Variants in DLGAP1 observed in about 807,000 individuals in gnomAD.
DLGAP1 encodes disks large-associated protein 1.
In DLGAP1, 11 loss-of-function variants were observed where a neutral mutation model predicts 90.8. The ratio of observed to expected loss-of-function variants is 0.12; its 90% confidence interval spans 0.08 to 0.20. The LOEUF is 0.20. Ranked by LOEUF, DLGAP1 falls within the 10% of genes least tolerant of loss-of-function variation. DLGAP1 has a pLI of 1.00. For synonymous variants in DLGAP1, 558 were observed against 540.7 expected (o/e 1.03, Z -0.44); for missense variants, 1,050 against 1,333.8 (o/e 0.79, Z 3.31).
chr18:3,874,227 A>G (rs1568269628), intron 4 of DLGAP1: 5 of 1,549,710 alleles, frequency 3.2e-6, no homozygotes, highest in Non-Finnish European at 3.5e-6. Flanking sequence ...AAGGTCGATC[A>G]TTTTGCTTTC....
chr18:3,628,188 C>CTTTTTT (rs71160904), intron 7 of DLGAP1, among the ~76,000 whole-genome samples: 1 of 123,676 alleles, frequency 8.1e-6, no homozygotes, highest in African/African-American at 3.2e-5. Flanking sequence ...GTGCTATATT[C>CTTTTTT]TTTTTTTTTT....
intron 7 of DLGAP1, among the ~76,000 whole-genome samples, chr18:3,716,894 G>A (rs1025209592): frequency 1.3e-5 from 2 of 151,830 alleles, no homozygotes; most frequent in East Asian, 1.9e-4. Context: ...TTTGGGAGGC[G>A]GAGGTGGGCG....
At chr18:3,505,368 T>C (rs970109398) in intron 11 of DLGAP1, among the ~76,000 whole-genome samples, 3 of 151,962 alleles carry the variant, frequency 2.0e-5, no homozygotes, top group South Asian at 2.1e-4. Flanking sequence ...GCCGGGCGAG[T>C]TGGCTCATGC....
At chr18:3,887,969 G>C (rs184297125) in intron 3 of DLGAP1, among the ~76,000 whole-genome samples, 1 of 151,660 alleles carries the variant, frequency 6.6e-6, no homozygotes, top group African/African-American at 2.4e-5. Flanking sequence ...TTAGCCAGGC[G>C]TGGTGGCGGG....
At chr18:3,851,380 A>ATT (rs1298957783) in intron 4 of DLGAP1, among the ~76,000 whole-genome samples, 4 of 152,178 alleles carry the variant, frequency 2.6e-5, no homozygotes, top group African/African-American at 9.7e-5. Context: ...TTGAGGAAGA[A>ATT]CAGAACTAGG....
At chr18:4,274,361 T>G (rs1447257627) in intron 1 of DLGAP1, among the ~76,000 whole-genome samples, 3 of 152,248 alleles carry the variant, frequency 2.0e-5, no homozygotes, top group African/African-American at 7.2e-5. Flanking sequence ...CATTCCATTT[T>G]GGTCAGAAAA....
intron 10 of DLGAP1, among the ~76,000 whole-genome samples, chr18:3,527,449 A>G (rs1477515012): frequency 9.7e-6 from 1 of 103,184 alleles, no homozygotes; most frequent in African/African-American, 3.8e-5. Context: ...GATGCACTGT[A>G]TTTTGAATTC....
chr18:3,691,621 A>C (rs1326074147), intron 7 of DLGAP1, among the ~76,000 whole-genome samples: 2 of 152,218 alleles, frequency 1.3e-5, no homozygotes, highest in African/African-American at 4.8e-5. Context: ...TTTAAAAAAG[A>C]ATTGAGGAGG....
At chr18:4,219,347 GTTGT>G (rs1420412375) in intron 1 of DLGAP1, among the ~76,000 whole-genome samples, 5 of 151,786 alleles carry the variant, frequency 3.3e-5, no homozygotes, top group African/African-American at 7.2e-5. Context: ...TTGCCATTGA[GTTGT>G]TTGAGTTCCT....
Position 4,382,034 on chromosome 18 carries a change from G to A in DLGAP1, c.-267+72972C>T, listed in dbSNP as rs185012441. On this transcript the variant is annotated intron_variant, in intron 1 of 12. Transcript: ENST00000315677. Reference sequence around the variant, plus strand: ...TTATTCACCACCAAAAGAATAGCACGGGAAAGACTTGCCCCCATGATTCAA... The same window carrying A: ...TTATTCACCACCAAAAGAATAGCACAGGAAAGACTTGCCCCCATGATTCAA... Among the ~76,000 whole-genome samples, 25 of 152,164 alleles carry A rather than the reference G, an allele frequency of 1.6e-4. No homozygotes were observed. In the East Asian group the frequency reaches 1.7e-3, roughly 11 times the overall value.
intron 2 of DLGAP1, among the ~76,000 whole-genome samples, chr18:4,071,028 T>C (rs768658748): frequency 6.6e-6 from 1 of 152,174 alleles, no homozygotes; most frequent in African/African-American, 2.4e-5. Flanking sequence ...TAGTAACTTA[T>C]GAGAAATGTG....
intron 7 of DLGAP1, among the ~76,000 whole-genome samples, chr18:3,688,639 AC>A: frequency 6.7e-6 from 1 of 150,040 alleles, no homozygotes; most frequent in Non-Finnish European, 1.5e-5. Context: ...ACACACACAC[AC>A]ACACACACAC....
intron 1 of DLGAP1, among the ~76,000 whole-genome samples, chr18:4,185,616 A>G (rs535315828): frequency 3.9e-5 from 6 of 152,210 alleles, no homozygotes; most frequent in South Asian, 2.1e-4. Flanking sequence ...ATAGTATTCC[A>G]TGGTGTACAT....
chr18:3,799,251 G>C (rs907439762), intron 5 of DLGAP1, among the ~76,000 whole-genome samples: 6 of 152,170 alleles, frequency 3.9e-5, no homozygotes, highest in Non-Finnish European at 8.8e-5. Context: ...GTAAAGTCCA[G>C]ATTTGTACAC....
chr18:4,118,008 G>A (rs1303714913), intron 2 of DLGAP1, among the ~76,000 whole-genome samples: 3 of 151,522 alleles, frequency 2.0e-5, no homozygotes, highest in African/African-American at 7.3e-5. Flanking sequence ...CTTCATGACC[G>A]CCAGGGTTAT....
intron 1 of DLGAP1, among the ~76,000 whole-genome samples, chr18:4,388,897 T>C (rs999432378): frequency 6.6e-6 from 1 of 152,212 alleles, no homozygotes; most frequent in African/African-American, 2.4e-5. Context: ...CTGGAGCCCT[T>C]GTCTACTGTT....
At position 4,115,068 on chromosome 18, in the gene DLGAP1, T is replaced by A. The variant is rs1469449471; in HGVS notation, c.-159+36112A>T. Among the ~76,000 whole-genome samples the A allele has an allele frequency of 5.3e-5, 8 of 152,176 alleles. 1 individual carries two copies. Among genetic ancestry groups the A allele is most frequent in the Admixed American group, 5.2e-4 (8 of 15,274 alleles). On this transcript the variant is annotated intron_variant, in intron 2 of 12. Transcript: ENST00000315677. The stretch of plus-strand genomic sequence containing the variant: ...CCTTGTTTAGTGTTAAGCAAATATT[T>A]TCTAGTGTGATATTTATTTAACTTA...
intron 7 of DLGAP1, among the ~76,000 whole-genome samples, chr18:3,640,298 C>A (rs542511525): frequency 1.9e-4 from 29 of 152,284 alleles, no homozygotes; most frequent in African/African-American, 7.0e-4. Flanking sequence ...TGCTGAAGTC[C>A]TTGATCTATA....
At chr18:4,098,665 G>C (rs561193003) in intron 2 of DLGAP1, among the ~76,000 whole-genome samples, 152 of 152,242 alleles carry the variant, frequency 1.0e-3, no homozygotes, top group African/African-American at 3.5e-3. Context: ...GAAAAAAGGA[G>C]GAAATTATTG....
Sources: gnomAD v4.1 joint callset for allele counts (sites outside exome capture counted in the v4.1 genomes callset) on GRCh38, gnomAD v4.1.1 for gene constraint, MANE v1.5 for transcripts, NCBI Gene and HGNC (gene_info 2026-07-23, HGNC 2026-07-21) for gene names.